LHFPL3: variants seen among roughly 807,000 people sequenced by gnomAD.
LHFPL3 encodes LHFPL tetraspan subfamily member 3.
Under a neutral mutation model 19.3 loss-of-function variants are expected in LHFPL3, and 5 were observed. The observed-to-expected ratio is 0.26, with a 90% CI of 0.14 to 0.54. The LOEUF (loss-of-function observed/expected upper bound fraction) is 0.54. Ranked by LOEUF, LHFPL3 falls within the 20% of genes least tolerant of loss-of-function variation. The pLI is 0.94. For missense variants in LHFPL3, 249 were observed against 307.4 expected, an observed-to-expected ratio of 0.81 and a Z score of 1.42; for synonymous variants, 133 against 126.2, an observed-to-expected ratio of 1.05 and a Z score of -0.36.
At chr7:104,407,218 G>A (rs535590448) in intron 1 of LHFPL3, among the ~76,000 whole-genome samples, 1 of 152,296 alleles carries the variant, frequency 6.6e-6, no homozygotes, top group African/African-American at 2.4e-5. Context: ...GGTTGGTGAA[G>A]GATTGTAAAA....
At chr7:104,620,935 CT>C (rs992793834) in intron 1 of LHFPL3, among the ~76,000 whole-genome samples, 3 of 152,180 alleles carry the variant, frequency 2.0e-5, no homozygotes, top group Non-Finnish European at 4.4e-5. Context: ...TGAAGACAGT[CT>C]TTTTTTCAAC....
chr7:104,466,858 G>T lies in LHFPL3; in HGVS notation c.445+137634G>T, dbSNP rs191299753. On this transcript the variant is annotated intron_variant, in intron 1 of 2. Transcript: ENST00000424859. ...CCCAGAATCAGCATCTGCGGTAAGAGTTCTGATTTCCATGCTTTTCTTTCT... is the reference window on the plus strand; with the variant it reads ...CCCAGAATCAGCATCTGCGGTAAGATTTCTGATTTCCATGCTTTTCTTTCT... 1.0e-3 allele frequency among the ~76,000 whole-genome samples: 157 copies of T among 152,314 alleles called. 1 individual carries two copies. Among genetic ancestry groups the T allele is most frequent in the East Asian group, 1.2e-3 (6 of 5,174 alleles).
intron 2 of LHFPL3, among the ~76,000 whole-genome samples, chr7:104,750,037 G>A (rs10228187): frequency 0.3 from 45,226 of 151,376 alleles, 7,288 homozygotes; most frequent in East Asian, 0.66. Context: ...GGTGATTTCC[G>A]CACCCCATTG....
At chr7:104,628,538 T>C (rs927490710) in intron 1 of LHFPL3, among the ~76,000 whole-genome samples, 2 of 152,102 alleles carry the variant, frequency 1.3e-5, no homozygotes, top group African/African-American at 4.8e-5. Flanking sequence ...AGTGATGACA[T>C]AGATAATATT....
At chr7:104,574,183 G>C (rs140825844) in intron 1 of LHFPL3, among the ~76,000 whole-genome samples, 6 of 152,270 alleles carry the variant, frequency 3.9e-5, no homozygotes, top group Non-Finnish European at 8.8e-5. Context: ...ACTCATGACT[G>C]TCAATCAGAG....
chr7:104,845,688 A>G (rs1210411390), intron 2 of LHFPL3, among the ~76,000 whole-genome samples: 2 of 152,044 alleles, frequency 1.3e-5, no homozygotes, highest in African/African-American at 4.8e-5. Flanking sequence ...GTCCTGGGGG[A>G]TGTGTTTGGT....
intron 1 of LHFPL3, among the ~76,000 whole-genome samples, chr7:104,526,357 A>G (rs758261227): frequency 5.9e-5 from 9 of 152,232 alleles, no homozygotes; most frequent in Non-Finnish European, 1.2e-4. Flanking sequence ...GCCCACAAGC[A>G]TCTATGTAGC....
intron 1 of LHFPL3, among the ~76,000 whole-genome samples, chr7:104,726,909 C>G (rs1469032866): frequency 6.6e-6 from 1 of 152,216 alleles, no homozygotes; most frequent in Admixed American, 6.5e-5. Flanking sequence ...AATTGCCACA[C>G]TGTCTTCTAC....
intron 2 of LHFPL3, among the ~76,000 whole-genome samples, chr7:104,871,393 G>C (rs1791834116): frequency 6.6e-6 from 1 of 152,212 alleles, no homozygotes; most frequent in Non-Finnish European, 1.5e-5. Flanking sequence ...GGCAGGACTG[G>C]AAGTCACTCT....
At chr7:104,743,398 A>G (rs1793973661) in intron 2 of LHFPL3, among the ~76,000 whole-genome samples, 1 of 152,156 alleles carries the variant, frequency 6.6e-6, no homozygotes, top group African/African-American at 2.4e-5. Context: ...TCTGGTCTCA[A>G]CTCTGGCAGG....
chr7:104,845,200 A>G (rs1169033101), intron 2 of LHFPL3, among the ~76,000 whole-genome samples: 2 of 152,224 alleles, frequency 1.3e-5, no homozygotes, highest in Non-Finnish European at 2.9e-5. Flanking sequence ...AGTATGAACC[A>G]GGCAGTCTGG....
chr7:104,763,689 C>T (rs945598523), intron 2 of LHFPL3, among the ~76,000 whole-genome samples: 1 of 152,126 alleles, frequency 6.6e-6, no homozygotes, highest in Non-Finnish European at 1.5e-5. Context: ...TTGACAAAAG[C>T]AGTGTGATTC....
chr7:104,826,617 C>G (rs1300350254), intron 2 of LHFPL3: 2 of 155,800 alleles, frequency 1.3e-5, no homozygotes, highest in Admixed American at 1.3e-4. Flanking sequence ...TACTGAGGAG[C>G]CCAAAGCCCT....
At chr7:104,560,959 C>A (rs1383617905) in intron 1 of LHFPL3, among the ~76,000 whole-genome samples, 1 of 149,706 alleles carries the variant, frequency 6.7e-6, no homozygotes, top group Non-Finnish European at 1.5e-5. Context: ...CATTCAGGAG[C>A]AGGTTGTTCA....
chr7:104,874,703 C>G (rs1791904618), intron 2 of LHFPL3, among the ~76,000 whole-genome samples: 1 of 152,058 alleles, frequency 6.6e-6, no homozygotes, highest in South Asian at 2.1e-4. Context: ...GCCACCGCGC[C>G]CAGCTGGCAC....
intron 2 of LHFPL3, among the ~76,000 whole-genome samples, chr7:104,864,674 T>C (rs1234721225): frequency 6.6e-6 from 1 of 152,212 alleles, no homozygotes; most frequent in African/African-American, 2.4e-5. Flanking sequence ...GGGCAGGCCA[T>C]TGCCAAACAA....
At chr7:104,565,713 G>A (rs958746904) in intron 1 of LHFPL3, among the ~76,000 whole-genome samples, 6 of 119,400 alleles carry the variant, frequency 5.0e-5, no homozygotes, top group African/African-American at 2.1e-4. Context: ...GCACCTTCCT[G>A]TCTGTCTGTC....
intron 2 of LHFPL3, among the ~76,000 whole-genome samples, chr7:104,759,072 A>T (rs1281608117): frequency 6.6e-6 from 1 of 152,248 alleles, no homozygotes; most frequent in Non-Finnish European, 1.5e-5. Flanking sequence ...ACAAATAGAC[A>T]TCTGAGAGAA....
In LHFPL3 at chr7:104,427,055, C is replaced by T. The variant is rs543041969; in HGVS notation, c.445+97831C>T. ...TGTACCTGTTGCATTCTAGGTACTG[C>T]GCTAAGTTCTAGTGATTCTAAGACC... On this transcript the variant is annotated intron_variant, in intron 1 of 2. Coordinates refer to ENST00000424859, the MANE Select transcript of LHFPL3 (RefSeq NM_199000.3). Among the ~76,000 whole-genome samples the T allele has an allele frequency of 5.9e-5, 9 of 152,274 alleles. No homozygotes were observed. The South Asian group carries it at 1.0e-3, about 18-fold the overall frequency.
Sources: gnomAD v4.1 joint callset for allele counts (sites outside exome capture counted in the v4.1 genomes callset) on GRCh38, gnomAD v4.1.1 for gene constraint, MANE v1.5 for transcripts, NCBI Gene and HGNC (gene_info 2026-07-23, HGNC 2026-07-21) for gene names.